Variants in CCSER1 observed in about 807,000 individuals in gnomAD.
CCSER1 encodes the protein coiled-coil serine rich protein 1.
Under a neutral mutation model 82.0 loss-of-function variants are expected in CCSER1, and 41 were observed. The observed-to-expected ratio is 0.50, with a 90% confidence interval of 0.39 to 0.65. The LOEUF (loss-of-function observed/expected upper bound fraction) is 0.65. CCSER1 is among the 30% of genes least tolerant of loss of function. The probability of loss-of-function intolerance (pLI) is 0.00; values close to 1 mark genes in which losing one functional copy is unlikely to be tolerated. For synonymous variants in CCSER1, 414 were observed against 383.9 expected (o/e 1.08, Z -0.92); for missense variants, 1,119 against 1,064.2 (o/e 1.05, Z -0.72).
At chr4:90,648,288 A>AGAAAGAAAGAAAG (rs765247133) in intron 6 of CCSER1, among the ~76,000 whole-genome samples, 2,350 of 96,144 alleles carry the variant, frequency 0.024, 28 homozygotes, top group South Asian at 0.028. Context: ...AAGAAAGGAA[A>AGAAAGAAAGAAAG]GAAAGAAAGA....
chr4:91,562,798 A>G (rs1428758490), intron 10 of CCSER1, among the ~76,000 whole-genome samples: 3 of 151,640 alleles, frequency 2.0e-5, no homozygotes, highest in African/African-American at 4.8e-5. Flanking sequence ...TTTTATTTAA[A>G]TAGTTTAAAG....
chr4:90,278,236 A>G lies in CCSER1; in HGVS notation c.-41-30008A>G, dbSNP rs563406608. Among the ~76,000 whole-genome samples the G allele has an allele frequency of 2.0e-5, 3 of 152,250 alleles. 1 individual carries two copies. In the South Asian group the frequency reaches 6.2e-4, roughly 32 times the overall value. On this transcript the variant is annotated intron_variant, in intron 1 of 10. Coordinates refer to ENST00000509176, the MANE Select transcript of CCSER1 (RefSeq NM_001145065.2). ...ACACATACACTATTGGTGGGAATGC[A>G]AATTCGTCCAGCCACTGTGGAGAGC...
intron 6 of CCSER1, among the ~76,000 whole-genome samples, chr4:90,630,933 A>G (rs1399408083): frequency 6.6e-6 from 1 of 150,408 alleles, no homozygotes; most frequent in Non-Finnish European, 1.5e-5. Flanking sequence ...TCGCTCTGTC[A>G]CCCAGGCTGG....
At chr4:90,320,415 C>T (rs1337531333) in intron 3 of CCSER1, among the ~76,000 whole-genome samples, 2 of 152,108 alleles carry the variant, frequency 1.3e-5, no homozygotes, top group Non-Finnish European at 2.9e-5. Flanking sequence ...ACACTAAATC[C>T]TTGATCAGGA....
rs72882844 is a variant in CCSER1, at chr4:90,923,643, C to A, written c.2172+196C>A. ...ATGATTACAGGCACCAACTGGCATACCAATGCCTTATTAATTTTTTTACAT... is the reference window on the plus strand; with the variant it reads ...ATGATTACAGGCACCAACTGGCATAACAATGCCTTATTAATTTTTTTACAT... On this transcript the variant is annotated intron_variant, in intron 9 of 10. Coordinates refer to ENST00000509176, the MANE Select transcript of CCSER1 (RefSeq NM_001145065.2). 3,096 of 455,892 alleles carry A rather than the reference C, an allele frequency of 6.8e-3. 74 individuals are homozygous for A. The highest frequency in any genetic ancestry group is 0.054 in the African/African-American group (2,700 of 50,432). 28.2% of individuals were successfully genotyped at this position (455,892 alleles called of 1,614,324 possible).
At chr4:90,717,846 G>A (rs981766992) in intron 6 of CCSER1, among the ~76,000 whole-genome samples, 2 of 151,186 alleles carry the variant, frequency 1.3e-5, no homozygotes, top group Non-Finnish European at 2.9e-5. Flanking sequence ...TAGGTATTCT[G>A]TATTCCCTTT....
chr4:90,652,680 A>G (rs888663071), intron 6 of CCSER1, among the ~76,000 whole-genome samples: 3 of 152,212 alleles, frequency 2.0e-5, no homozygotes, highest in Admixed American at 6.5e-5. Context: ...TTTTATGAGT[A>G]TAATAACTTA....
intron 9 of CCSER1, among the ~76,000 whole-genome samples, chr4:90,988,040 G>A (rs1280089714): frequency 6.6e-6 from 1 of 151,622 alleles, no homozygotes; most frequent in African/African-American, 2.4e-5. Flanking sequence ...TAAACTACCA[G>A]GCATGGTGGC....
intron 10 of CCSER1, among the ~76,000 whole-genome samples, chr4:91,101,381 G>C (rs1271129337): frequency 6.6e-6 from 1 of 152,210 alleles, no homozygotes. Context: ...AAGGTCAAAA[G>C]AACTGATAAG....
intron 3 of CCSER1, among the ~76,000 whole-genome samples, chr4:90,330,190 T>C (rs1739025161): frequency 6.6e-6 from 1 of 152,162 alleles, no homozygotes; most frequent in Non-Finnish European, 1.5e-5. Flanking sequence ...CTTTCTTTAT[T>C]CTATTGGAAG....
chr4:91,151,689 G>A (rs1730220756), intron 10 of CCSER1, among the ~76,000 whole-genome samples: 1 of 152,120 alleles, frequency 6.6e-6, no homozygotes, highest in South Asian at 2.1e-4. Flanking sequence ...GTTCTCATTG[G>A]TTTCAAAGAA....
chr4:91,539,972 T>A (rs1262790347), intron 10 of CCSER1, among the ~76,000 whole-genome samples: 1 of 152,128 alleles, frequency 6.6e-6, no homozygotes, highest in Non-Finnish European at 1.5e-5. Flanking sequence ...CTGGGATTGC[T>A]TATCTTTAAT....
chr4:90,689,554 A>G (rs1735442243), intron 6 of CCSER1, among the ~76,000 whole-genome samples: 1 of 152,112 alleles, frequency 6.6e-6, no homozygotes, highest in South Asian at 2.1e-4. Context: ...TGCCAGGGAC[A>G]GGCTTTGGTT....
chr4:90,261,763 T>C (rs1252586294), intron 1 of CCSER1, among the ~76,000 whole-genome samples: 1 of 152,212 alleles, frequency 6.6e-6, no homozygotes. Flanking sequence ...TATTACATAA[T>C]CCCATATTTC....
chr4:90,640,617 C>T (rs1726322134), intron 6 of CCSER1, among the ~76,000 whole-genome samples: 1 of 152,100 alleles, frequency 6.6e-6, no homozygotes, highest in Non-Finnish European at 1.5e-5. Context: ...TCCATTATCC[C>T]CATAATCCCC....
At chr4:90,959,295 C>T (rs369610761) in intron 9 of CCSER1, among the ~76,000 whole-genome samples, 11 of 152,236 alleles carry the variant, frequency 7.2e-5, no homozygotes, top group Non-Finnish European at 1.5e-5. Context: ...TTCTATAATA[C>T]GTGTCAATAA....
chr4:91,206,361 C>A (rs973954320), intron 10 of CCSER1, among the ~76,000 whole-genome samples: 4 of 151,874 alleles, frequency 2.6e-5, no homozygotes, highest in Non-Finnish European at 5.9e-5. Context: ...TTCTGAAATG[C>A]AATTAGCCTC....
intron 9 of CCSER1, among the ~76,000 whole-genome samples, chr4:91,040,953 C>T (rs1464544784): frequency 6.6e-6 from 1 of 152,012 alleles, no homozygotes. Flanking sequence ...TGAAACTTAG[C>T]AAATGGAAAA....
chr4:91,389,970 A>G (rs1343389516), intron 10 of CCSER1, among the ~76,000 whole-genome samples: 1 of 151,990 alleles, frequency 6.6e-6, no homozygotes, highest in Non-Finnish European at 1.5e-5. Flanking sequence ...TTTGTAGATT[A>G]TTTGGGATTT....
Sources: allele counts gnomAD v4.1 joint callset (sites outside exome capture counted in the v4.1 genomes callset), GRCh38; gene constraint gnomAD v4.1.1; transcripts MANE v1.5; gene names NCBI Gene and HGNC (gene_info 2026-07-23, HGNC 2026-07-21).